The following VAV3 variants were observed in gnomAD, a reference collection of about 807,000 sequenced individuals.
VAV3 encodes vav guanine nucleotide exchange factor 3.
Under a neutral mutation model 131.2 loss-of-function variants are expected in VAV3, and 94 were observed. The observed-to-expected ratio is 0.72, with a 90% CI of 0.61 to 0.85. The LOEUF (loss-of-function observed/expected upper bound fraction) is 0.85, where lower values mean the gene tolerates loss of function less well. Among genes scored for constraint, VAV3 ranks in the 40% least tolerant of loss-of-function variants. The probability of loss-of-function intolerance (pLI) is 0.00; values close to 1 mark genes in which losing one functional copy is unlikely to be tolerated. For missense variants in VAV3, 939 were observed against 1,002.7 expected (o/e 0.94, Z 0.86); for synonymous variants, 349 against 342.0 (o/e 1.02, Z -0.22).
intron 24 of VAV3, among the ~76,000 whole-genome samples, chr1:107,601,097 C>T (rs1279640245): frequency 2.6e-5 from 4 of 152,074 alleles, no homozygotes; most frequent in African/African-American, 9.7e-5. Context: ...ATTTGTGCAT[C>T]CACTTGCCAC....
intron 19 of VAV3, among the ~76,000 whole-genome samples, chr1:107,655,111 T>G (rs190840562): frequency 3.3e-5 from 5 of 152,242 alleles, no homozygotes; most frequent in African/African-American, 1.2e-4. Flanking sequence ...AAAGTTCACA[T>G]GCACAACTGT....
intron 19 of VAV3, among the ~76,000 whole-genome samples, chr1:107,650,806 C>A (rs904218247): frequency 6.8e-6 from 1 of 147,874 alleles, no homozygotes; most frequent in African/African-American, 2.5e-5. Flanking sequence ...TGAGAACATG[C>A]GGTGTTTGGT....
intron 2 of VAV3, among the ~76,000 whole-genome samples, chr1:107,822,512 G>A (rs917069354): frequency 7.2e-5 from 11 of 151,830 alleles, no homozygotes; most frequent in South Asian, 4.2e-4. Context: ...AAAAACAGCC[G>A]GGCAAGGTGG....
intron 18 of VAV3, chr1:107,685,817 C>G (rs558110375): frequency 6.6e-6 from 1 of 151,744 alleles, no homozygotes; most frequent in African/African-American, 2.4e-5. Flanking sequence ...CATCTCTATG[C>G]GTATACTCCC....
At chr1:107,723,258 C>G (rs1050803769) in intron 15 of VAV3, among the ~76,000 whole-genome samples, 1 of 152,108 alleles carries the variant, frequency 6.6e-6, no homozygotes, top group Non-Finnish European at 1.5e-5. Context: ...GCCTGTCCTC[C>G]CAGCCACAAG....
intron 2 of VAV3, among the ~76,000 whole-genome samples, chr1:107,799,824 G>A (rs1407877870): frequency 1.3e-5 from 2 of 152,016 alleles, no homozygotes; most frequent in Non-Finnish European, 2.9e-5. Flanking sequence ...GTAGCCATTA[G>A]CCAACTTCTC....
intron 2 of VAV3, among the ~76,000 whole-genome samples, chr1:107,787,027 T>C (rs917531127): frequency 2.0e-5 from 3 of 152,138 alleles, no homozygotes; most frequent in Non-Finnish European, 4.4e-5. Context: ...ATATAAAGTC[T>C]GCATCTAATA....
chr1:107,717,074 C>T (rs752420252), intron 15 of VAV3, among the ~76,000 whole-genome samples: 5 of 152,200 alleles, frequency 3.3e-5, no homozygotes, highest in South Asian at 2.1e-4. Flanking sequence ...TCTGTGGGAT[C>T]GATGGTGATA....
At chr1:107,789,029 T>A (rs899342223) in intron 2 of VAV3, among the ~76,000 whole-genome samples, 5 of 152,200 alleles carry the variant, frequency 3.3e-5, no homozygotes, top group African/African-American at 9.6e-5. Context: ...ACCAGCTGAT[T>A]GGAAAGCCAC....
chr1:107,960,554 G>A (rs1393229674), intron 1 of VAV3, among the ~76,000 whole-genome samples: 1 of 151,990 alleles, frequency 6.6e-6, no homozygotes, highest in Non-Finnish European at 1.5e-5. Context: ...CACTCAAAGT[G>A]AAATCCAAAG....
chr1:107,620,505 C>T (rs1267008085), intron 20 of VAV3, among the ~76,000 whole-genome samples: 1 of 151,952 alleles, frequency 6.6e-6, no homozygotes, highest in Non-Finnish European at 1.5e-5. Context: ...GTAGGCTACA[C>T]TATCTAGGTT....
At chr1:107,933,733 T>C (rs1178492912) in intron 1 of VAV3, among the ~76,000 whole-genome samples, 2 of 150,214 alleles carry the variant, frequency 1.3e-5, no homozygotes, top group Admixed American at 6.7e-5. Context: ...GGAGGATGGC[T>C]TGAGCCCAGG....
At position 107,720,372 on chromosome 1, in the gene VAV3, G is replaced by C. The variant is rs1200988274; in HGVS notation, c.1503-15311C>G. 3.0e-5 allele frequency among the ~76,000 whole-genome samples: 4 copies of C among 134,364 alleles called. No individual in the cohort carries two copies. In the East Asian group the frequency reaches 8.8e-4, roughly 30 times the overall value. 88.1% of individuals were successfully genotyped at this position (134,364 alleles called of 152,430 possible). ...CACTCCAGCCTGGGCAACAGAGTGA[G>C]ACACTGTCTCAAAAATAAATAAATA... On this transcript the variant is annotated intron_variant, in intron 15 of 26. Coordinates refer to ENST00000370056, the MANE Select transcript of VAV3 (RefSeq NM_006113.5).
Position 107,573,320 on chromosome 1 carries a change from G to A in VAV3, c.*11C>T, listed in dbSNP as rs776619927. 6.2e-6 allele frequency: 10 copies of A among 1,613,774 alleles called. No individual in the cohort carries two copies. The highest frequency in any genetic ancestry group is 3.3e-5 in the Admixed American group (2 of 59,954). On this transcript the variant is annotated 3_prime_UTR_variant, in exon 27 of 27. Transcript: ENST00000370056. Reference sequence around the variant, plus strand: ...AAATTTTTGGTGCAGGGTGCAACACGGGATTTGAATTTATTCATCCTCTTC... The same window carrying A: ...AAATTTTTGGTGCAGGGTGCAACACAGGATTTGAATTTATTCATCCTCTTC...
intron 2 of VAV3, among the ~76,000 whole-genome samples, chr1:107,824,128 A>G (rs1276443927): frequency 6.6e-6 from 1 of 152,208 alleles, no homozygotes; most frequent in Non-Finnish European, 1.5e-5. Context: ...ATGAGGGTAG[A>G]GAAGTGTCCC....
At chr1:107,636,988 T>C (rs969851723) in intron 20 of VAV3, among the ~76,000 whole-genome samples, 1 of 151,726 alleles carries the variant, frequency 6.6e-6, no homozygotes, top group African/African-American at 2.4e-5. Context: ...GTAATAAAAA[T>C]CAGAGCAGAA....
chr1:107,947,944 T>TTATGGTG (rs1223796484), intron 1 of VAV3, among the ~76,000 whole-genome samples: 2 of 152,108 alleles, frequency 1.3e-5, no homozygotes, highest in Non-Finnish European at 2.9e-5. Flanking sequence ...GAGTAATAAC[T>TTATGGTG]TATGGTGACG....
chr1:107,872,377 A>C (rs536395195), intron 2 of VAV3, among the ~76,000 whole-genome samples: 2 of 152,346 alleles, frequency 1.3e-5, no homozygotes, highest in South Asian at 4.1e-4. Context: ...CATGAATTCC[A>C]GATTCACCAA....
intron 1 of VAV3, 89 bp downstream of exon 1, chr1:107,964,577 C>A: frequency 7.0e-7 from 1 of 1,424,174 alleles, no homozygotes; most frequent in Non-Finnish European, 9.6e-7. Flanking sequence ...CTCAGCGCAC[C>A]TAGACGTTTG....
Sources: allele counts gnomAD v4.1 joint callset (sites outside exome capture counted in the v4.1 genomes callset), GRCh38; gene constraint gnomAD v4.1.1; transcripts MANE v1.5; gene names NCBI Gene and HGNC (gene_info 2026-07-23, HGNC 2026-07-21).